Variants in LUZP2 observed in about 807,000 individuals in gnomAD.
The protein encoded by LUZP2 is leucine zipper protein 2.
A neutral mutation model predicts 51.6 loss-of-function variants in LUZP2; 52 were observed. The ratio of observed to expected loss-of-function variants is 1.01; its 90% CI spans 0.81 to 1.27. The LOEUF is 1.27. Among genes scored for constraint, LUZP2 ranks in the 50% most tolerant of loss-of-function variants. The pLI, the probability that LUZP2 is intolerant of heterozygous loss-of-function variation, is 0.00. For missense variants in LUZP2, 436 were observed against 395.4 expected, an observed-to-expected ratio of 1.10 and a Z score of -0.87; for synonymous variants, 154 against 137.3, an observed-to-expected ratio of 1.12 and a Z score of -0.85.
rs149543006 is a variant in LUZP2 at position 24,910,677 on chromosome 11, G to A, written c.460-3799G>A. ...TTTCAGAGGAGGTATGGAAATGCCTGGATGTCCAGGCAGAAATGTCCTGCA... is the reference window on the plus strand; with the variant it reads ...TTTCAGAGGAGGTATGGAAATGCCTAGATGTCCAGGCAGAAATGTCCTGCA... On this transcript the variant is annotated intron_variant, in intron 6 of 11. Transcript: ENST00000336930. 7.9e-4 allele frequency among the ~76,000 whole-genome samples: 120 copies of A among 152,330 alleles called. 4 individuals carry two copies. In the East Asian group the frequency reaches 0.022, roughly 27 times the overall value.
intron 9 of LUZP2, among the ~76,000 whole-genome samples, chr11:25,027,728 G>T (rs1380789757): frequency 6.6e-6 from 1 of 151,974 alleles, no homozygotes; most frequent in Non-Finnish European, 1.5e-5. Context: ...AAATTAGCCG[G>T]GCGTGGTGGT....
intron 5 of LUZP2, among the ~76,000 whole-genome samples, chr11:24,809,132 G>GAT (rs1849944168): frequency 1.3e-5 from 2 of 152,076 alleles, no homozygotes; most frequent in Admixed American, 6.6e-5. Flanking sequence ...TAACAAAAGA[G>GAT]ATCTGTATTC....
At chr11:24,960,725 G>A (rs1186681970) in intron 7 of LUZP2, among the ~76,000 whole-genome samples, 1 of 152,016 alleles carries the variant, frequency 6.6e-6, no homozygotes, top group Non-Finnish European at 1.5e-5. Flanking sequence ...TTTTTGAAGG[G>A]TCCTTTGTGT....
chr11:24,823,336 C>G (rs956558589), intron 5 of LUZP2, among the ~76,000 whole-genome samples: 1 of 144,192 alleles, frequency 6.9e-6, no homozygotes, highest in Non-Finnish European at 1.5e-5. Flanking sequence ...TTAGGAATGT[C>G]TTTGTGACTG....
At chr11:24,891,336 A>G (rs1852846836) in intron 5 of LUZP2, 1 of 925,420 alleles carries the variant, frequency 1.1e-6, no homozygotes. Flanking sequence ...ATATGGAGAT[A>G]TATACATACT....
At chr11:24,667,978 C>G (rs1856272818) in intron 1 of LUZP2, among the ~76,000 whole-genome samples, 1 of 152,136 alleles carries the variant, frequency 6.6e-6, no homozygotes. Context: ...GAAATGAGAA[C>G]TATAAAGCAG....
rs565191490 is a variant in LUZP2, at chr11:24,538,209, A to G, written c.62+40904A>G. On this transcript the variant is annotated intron_variant, in intron 1 of 11. Transcript: ENST00000336930. ...AAAGGAATAAGGTCATAATTTTTCA[A>G]CTATTAAGATGAGAAAATTAAAATA... 1.3e-4 allele frequency among the ~76,000 whole-genome samples: 20 copies of G among 152,018 alleles called. No individual in the cohort carries two copies. The East Asian group carries it at 3.7e-3, about 28-fold the overall frequency.
rs775699670 is a variant in LUZP2 at position 24,706,147 on chromosome 11, C to T, written c.63-23022C>T. ...TATTCTAAGGTGCATAAAATTACCT[C>T]GAAGCTGATGCCTCCATTTTATAAT... On this transcript the variant is annotated intron_variant, in intron 1 of 11. Transcript: ENST00000336930. 3.3e-5 allele frequency among the ~76,000 whole-genome samples: 5 copies of T among 152,188 alleles called. No homozygotes were observed. The East Asian group carries it at 7.7e-4, about 24-fold the overall frequency.
intron 7 of LUZP2, among the ~76,000 whole-genome samples, chr11:24,929,551 T>C (rs529784452): frequency 3.9e-5 from 6 of 152,272 alleles, no homozygotes; most frequent in African/African-American, 1.4e-4. Flanking sequence ...TGGAGTTGAA[T>C]TCCAATTTCA....
At chr11:24,963,687 GA>G (rs1206610537) in intron 7 of LUZP2, among the ~76,000 whole-genome samples, 1 of 152,120 alleles carries the variant, frequency 6.6e-6, no homozygotes, top group African/African-American at 2.4e-5. Context: ...CTTTGACTAG[GA>G]AAGGGAACTC....
At chr11:24,765,592 C>G (rs557331921) in intron 5 of LUZP2, among the ~76,000 whole-genome samples, 1 of 151,402 alleles carries the variant, frequency 6.6e-6, no homozygotes, top group East Asian at 1.9e-4. Context: ...ATGAGATAGA[C>G]AGCAACACAA....
intron 1 of LUZP2, among the ~76,000 whole-genome samples, chr11:24,688,838 A>T (rs921859261): frequency 3.9e-5 from 6 of 152,106 alleles, no homozygotes; most frequent in Non-Finnish European, 7.3e-5. Context: ...CTTTGTAGCC[A>T]TTTATACAAC....
intron 1 of LUZP2, among the ~76,000 whole-genome samples, chr11:24,716,222 T>G (rs184443246): frequency 6.6e-6 from 1 of 152,338 alleles, no homozygotes; most frequent in African/African-American, 2.4e-5. Flanking sequence ...CTACAGTTAT[T>G]ATTGTTGTTA....
intron 5 of LUZP2, among the ~76,000 whole-genome samples, chr11:24,830,761 G>C (rs532356168): frequency 6.6e-6 from 1 of 151,926 alleles, no homozygotes; most frequent in Admixed American, 6.6e-5. Flanking sequence ...TTGGGAGGCC[G>C]AGGCGGGCGG....
chr11:24,730,110 T>C (rs1590410986), intron 2 of LUZP2, among the ~76,000 whole-genome samples: 1 of 151,486 alleles, frequency 6.6e-6, no homozygotes, highest in Non-Finnish European at 1.5e-5. Flanking sequence ...ATGATAATAA[T>C]GATAATGATG....
At chr11:24,700,504 CAT>C (rs1322675025) in intron 1 of LUZP2, among the ~76,000 whole-genome samples, 2 of 152,102 alleles carry the variant, frequency 1.3e-5, no homozygotes, top group Non-Finnish European at 2.9e-5. Flanking sequence ...CAAAATCTAA[CAT>C]ATGTATTTTA....
Position 24,973,974 on chromosome 11 carries a change from T to C in LUZP2, c.523-2617T>C, listed in dbSNP as rs540321438. The stretch of plus-strand genomic sequence containing the variant: ...CTGCTTGATCCAGAGCTGAGTTCAG[T>C]TCCTAATTATCTTTGTTAATTTTCT... On this transcript the variant is annotated intron_variant, in intron 7 of 11. Coordinates refer to ENST00000336930, the MANE Select transcript of LUZP2 (RefSeq NM_001009909.4). 2.0e-5 allele frequency among the ~76,000 whole-genome samples: 3 copies of C among 152,172 alleles called. 1 individual carries two copies. In the East Asian group the frequency reaches 5.8e-4, roughly 30 times the overall value.
intron 5 of LUZP2, among the ~76,000 whole-genome samples, chr11:24,894,993 A>C (rs2133765879): frequency 6.6e-6 from 1 of 152,312 alleles, no homozygotes; most frequent in Non-Finnish European, 1.5e-5. Flanking sequence ...CTTAGGAAAA[A>C]ATAACCAATC....
chr11:24,778,535 T>A (rs1408056665), intron 5 of LUZP2, among the ~76,000 whole-genome samples: 1 of 152,124 alleles, frequency 6.6e-6, no homozygotes. Context: ...ATTCTTAGAT[T>A]TTTACATAAG....
Sources: allele counts gnomAD v4.1 joint callset (sites outside exome capture counted in the v4.1 genomes callset), GRCh38; gene constraint gnomAD v4.1.1; transcripts MANE v1.5; gene names NCBI Gene and HGNC (gene_info 2026-07-23, HGNC 2026-07-21).